The following ACSS3 variants were observed in gnomAD, a reference collection of about 807,000 sequenced individuals.
ACSS3 encodes the protein acyl-CoA synthetase short chain family member 3.
ACSS3 carries 64 observed loss-of-function variants against 84.2 expected under a neutral mutation model. That is an observed-to-expected ratio of 0.76 (90% CI 0.62 to 0.94). The LOEUF is 0.94. Ranked by LOEUF, ACSS3 falls within the 40% of genes least tolerant of loss-of-function variation. The probability of loss-of-function intolerance (pLI) is 0.00; values close to 1 mark genes in which losing one functional copy is unlikely to be tolerated. For synonymous variants in ACSS3, 317 were observed against 310.1 expected, an observed-to-expected ratio of 1.02 and a Z score of -0.23; for missense variants, 815 against 867.6, an observed-to-expected ratio of 0.94 and a Z score of 0.76.
At position 81,078,210 on chromosome 12, in the gene ACSS3, C is replaced by T. The variant is rs1463661326; in HGVS notation, c.90C>T (p.Ala30=). The change falls in exon 1 of 16, where the codon GCC becomes GCT. Residue 30 remains alanine, a synonymous_variant. Transcript: ENST00000548058. Reference sequence around the variant, plus strand: ...CTGGGTCCTCTCCGGCCCGGGGAGCCGGTGCGGCCCTCAGGGCTTTAGTGG... The same window carrying T: ...CTGGGTCCTCTCCGGCCCGGGGAGCTGGTGCGGCCCTCAGGGCTTTAGTGG... ...PLPGSSPARG[A]GAALRALVVP... 13 of 1,571,944 alleles carry T rather than the reference C, an allele frequency of 8.3e-6. No homozygotes were observed. The East Asian group carries it at 2.3e-4, about 28-fold the overall frequency.
intron 1 of ACSS3, among the ~76,000 whole-genome samples, chr12:81,090,634 A>G (rs12313519): frequency 0.06 from 9,072 of 152,080 alleles, 677 homozygotes; most frequent in African/African-American, 0.18. Flanking sequence ...TCAAGGAACC[A>G]AAGAGTTTGA....
chr12:81,151,489 G>A (rs960990365), intron 5 of ACSS3, among the ~76,000 whole-genome samples: 13 of 151,962 alleles, frequency 8.6e-5, no homozygotes, highest in African/African-American at 1.9e-4. Context: ...ACCTTTCTTC[G>A]CATTAAATTT....
At chr12:81,236,401 T>C (rs1317220556) in intron 13 of ACSS3, among the ~76,000 whole-genome samples, 1 of 151,438 alleles carries the variant, frequency 6.6e-6, no homozygotes, top group Non-Finnish European at 1.5e-5. Flanking sequence ...TTTTCCTTAT[T>C]CTGAAATCTA....
At chr12:81,247,404 A>T (rs913799425) in intron 13 of ACSS3, among the ~76,000 whole-genome samples, 2 of 152,120 alleles carry the variant, frequency 1.3e-5, no homozygotes, top group African/African-American at 4.8e-5. Context: ...CTTCTACTGA[A>T]ATCCTTCTCA....
Position 81,090,810 on chromosome 12 carries a change from G to A in ACSS3, c.311+12379G>A, listed in dbSNP as rs562047814. 4.6e-5 allele frequency among the ~76,000 whole-genome samples: 7 copies of A among 152,104 alleles called. No individual in the cohort carries two copies. In the South Asian group the frequency reaches 8.3e-4, roughly 18 times the overall value. ...TACATATATACTGCAAGTAGGGAAG[G>A]TAGGGAAATACTTCACCTATGTGGG... On this transcript the variant is annotated intron_variant, in intron 1 of 15. Coordinates refer to ENST00000548058, the MANE Select transcript of ACSS3 (RefSeq NM_024560.4).
chr12:81,080,609 C>T (rs1880908227), intron 1 of ACSS3, among the ~76,000 whole-genome samples: 1 of 152,004 alleles, frequency 6.6e-6, no homozygotes, highest in Admixed American at 6.6e-5. Flanking sequence ...CGTAGGAGAC[C>T]AATCTTAAAT....
In ACSS3 at chr12:81,259,300, CATATTT is replaced by C. The variant is rs2034602783; in HGVS notation, c.*4383_*4388del. The C allele has an allele frequency of 2.6e-6, 1 of 385,884 alleles. No individual in the cohort carries two copies. The highest frequency in any genetic ancestry group is 4.9e-6 in the Non-Finnish European group (1 of 205,488). The allele number at this position is 385,884 out of a possible 1,614,324, so 23.9% of individuals were successfully genotyped here. On this transcript the variant is annotated 3_prime_UTR_variant, in exon 16 of 16. Transcript: ENST00000548058. ...CCATATATTTTATTTTTTAAAAAAT[CATATTT>C]ATATCCATTTACATAAGACTTACAC...
intron 13 of ACSS3, among the ~76,000 whole-genome samples, chr12:81,250,456 AT>A (rs1343464461): frequency 3.9e-5 from 6 of 152,132 alleles, no homozygotes; most frequent in Non-Finnish European, 7.4e-5. Context: ...GAAATGTTGT[AT>A]ATTTCTTCCG....
intron 7 of ACSS3, among the ~76,000 whole-genome samples, chr12:81,153,670 T>G (rs2135759008): frequency 6.6e-6 from 1 of 152,262 alleles, no homozygotes; most frequent in East Asian, 1.9e-4. Flanking sequence ...AGACAAGGAT[T>G]GTGAAGTAAA....
rs187151369 is a variant in ACSS3, at chr12:81,176,376, C to T, written c.1250+1437C>T. ...GGTGGATCACGCAGTCGAGACCATC[C>T]TGGCCAACATGATGAAACCCCATCT... On this transcript the variant is annotated intron_variant, in intron 8 of 15. Transcript: ENST00000548058. Among the ~76,000 whole-genome samples the T allele has an allele frequency of 1.1e-4, 16 of 152,188 alleles. No homozygotes were observed. In the South Asian group the frequency reaches 1.5e-3, roughly 14 times the overall value.
chr12:81,205,438 ATTGT>A (rs1278256088), intron 9 of ACSS3, among the ~76,000 whole-genome samples: 1 of 152,092 alleles, frequency 6.6e-6, no homozygotes, highest in African/African-American at 2.4e-5. Context: ...TAGCCCAGAA[ATTGT>A]TTAAGACAGC....
chr12:81,207,635 T>G (rs767200493), intron 9 of ACSS3, among the ~76,000 whole-genome samples: 17 of 152,184 alleles, frequency 1.1e-4, no homozygotes, highest in Non-Finnish European at 1.8e-4. Flanking sequence ...AATCTTGGCC[T>G]GTAAATAATT....
chr12:81,106,737 G>A (rs1883039765), intron 1 of ACSS3, among the ~76,000 whole-genome samples: 1 of 152,174 alleles, frequency 6.6e-6, no homozygotes, highest in Non-Finnish European at 1.5e-5. Flanking sequence ...AGCAGCATAT[G>A]GAGATGGCTT....
intron 11 of ACSS3, among the ~76,000 whole-genome samples, chr12:81,223,864 C>T (rs528234689): frequency 1.3e-5 from 2 of 151,900 alleles, no homozygotes; most frequent in African/African-American, 4.8e-5. Flanking sequence ...AATAGACCAT[C>T]TTTTATCTAG....
In ACSS3 at chr12:81,244,905, CTGTG is replaced by C. The variant is rs146316314; in HGVS notation, c.1720-8380_1720-8377del. ...CTAATGCTTCTTCAGTCTATTCAAA[CTGTG>C]TGTGTGTGTGTGTGTGTGTGTATTT... On this transcript the variant is annotated intron_variant, in intron 13 of 15. Coordinates refer to ENST00000548058, the MANE Select transcript of ACSS3 (RefSeq NM_024560.4). Among the ~76,000 whole-genome samples, 11 of 148,236 alleles carry C rather than the reference CTGTG, an allele frequency of 7.4e-5. No individual in the cohort carries two copies. The East Asian group carries it at 7.9e-4, about 11-fold the overall frequency.
At chr12:81,118,528 G>A (rs1188519046) in intron 2 of ACSS3, among the ~76,000 whole-genome samples, 3 of 152,146 alleles carry the variant, frequency 2.0e-5, no homozygotes. Flanking sequence ...TAGGAAGGCT[G>A]GAGAAAGTAG....
chr12:81,245,012 A>T (rs1289888688), intron 13 of ACSS3, among the ~76,000 whole-genome samples: 1 of 152,026 alleles, frequency 6.6e-6, no homozygotes. Context: ...GTACTGTGTA[A>T]AAAGAACTTC....
chr12:81,220,173 A>T (rs1327154809), intron 11 of ACSS3, 97 bp downstream of exon 11: 3 of 593,540 alleles, frequency 5.1e-6, no homozygotes, highest in African/African-American at 1.9e-5. Flanking sequence ...CTACTGAGGA[A>T]GTTGTAGAAA....
chr12:81,209,070 G>A (rs897204734), intron 9 of ACSS3, among the ~76,000 whole-genome samples: 1 of 151,802 alleles, frequency 6.6e-6, no homozygotes, highest in East Asian at 1.9e-4. Flanking sequence ...TTTCTCTCTG[G>A]TTCATTTTGG....
Sources: allele counts gnomAD v4.1 joint callset (sites outside exome capture counted in the v4.1 genomes callset), GRCh38; gene constraint gnomAD v4.1.1; transcripts MANE v1.5; gene names NCBI Gene and HGNC (gene_info 2026-07-23, HGNC 2026-07-21).